Variants in SLC39A12 observed in about 807,000 individuals in gnomAD.
SLC39A12 encodes the protein solute carrier family 39 member 12.
SLC39A12 carries 63 observed loss-of-function variants against 71.1 expected under a neutral mutation model. The ratio of observed to expected loss-of-function variants is 0.89; its 90% CI spans 0.72 to 1.09. SLC39A12 has a LOEUF of 1.09. SLC39A12 is among the 50% of genes least tolerant of loss of function. The pLI is 0.00. For synonymous variants in SLC39A12, 351 were observed against 301.3 expected, an observed-to-expected ratio of 1.16 and a Z score of -1.71; for missense variants, 892 against 812.6, an observed-to-expected ratio of 1.10 and a Z score of -1.19.
At chr10:17,976,677 G>C (rs760350023) in intron 4 of SLC39A12, among the ~76,000 whole-genome samples, 4 of 152,044 alleles carry the variant, frequency 2.6e-5, no homozygotes, top group Non-Finnish European at 5.9e-5. Flanking sequence ...CACCCGCCTT[G>C]GCCTCCCAAA....
intron 4 of SLC39A12, among the ~76,000 whole-genome samples, chr10:17,971,701 T>A (rs576772262): frequency 6.6e-6 from 1 of 152,246 alleles, no homozygotes; most frequent in Admixed American, 6.5e-5. Flanking sequence ...TCATTTCTGA[T>A]TTTATTTATT....
At chr10:17,970,359 C>G (rs1462527074) in intron 4 of SLC39A12, among the ~76,000 whole-genome samples, 3 of 152,030 alleles carry the variant, frequency 2.0e-5, no homozygotes. Context: ...TGCAATGAAT[C>G]AGTAGATTAC....
At chr10:17,964,646 C>G (rs1834775513) in intron 3 of SLC39A12, among the ~76,000 whole-genome samples, 1 of 152,082 alleles carries the variant, frequency 6.6e-6, no homozygotes, top group African/African-American at 2.4e-5. Context: ...GTCCTGTGTC[C>G]TCTGGGAGTT....
chr10:18,037,174 G>A (rs1837076367), intron 12 of SLC39A12, among the ~76,000 whole-genome samples: 1 of 151,888 alleles, frequency 6.6e-6, no homozygotes, highest in Non-Finnish European at 1.5e-5. Flanking sequence ...GGTATCTTTT[G>A]CCTGATTTTC....
chr10:17,965,314 A>C (rs918460570), intron 3 of SLC39A12, among the ~76,000 whole-genome samples, 169 bp from the exon 4 acceptor site: 1 of 152,240 alleles, frequency 6.6e-6, no homozygotes, highest in East Asian at 1.9e-4. Flanking sequence ...TAATTTTCAA[A>C]TAGAGTTGTA....
chr10:18,041,367 A>T (rs892612835), intron 12 of SLC39A12, among the ~76,000 whole-genome samples: 3 of 151,758 alleles, frequency 2.0e-5, no homozygotes, highest in Admixed American at 6.6e-5. Flanking sequence ...GTGGCAGCAC[A>T]TGCCTGTAGT....
At chr10:18,042,450 C>T (rs1034963708) in intron 12 of SLC39A12, among the ~76,000 whole-genome samples, 1 of 142,550 alleles carries the variant, frequency 7.0e-6, no homozygotes, top group Non-Finnish European at 1.5e-5. Flanking sequence ...AGGGCAAAGA[C>T]CCTGCCTCAA....
At chr10:18,036,790 A>ATG (rs1464293480) in intron 12 of SLC39A12, among the ~76,000 whole-genome samples, 1 of 69,248 alleles carries the variant, frequency 1.4e-5, no homozygotes, top group East Asian at 4.2e-4. Flanking sequence ...ATATATATAT[A>ATG]TATATTTTTT....
At chr10:18,014,198 T>C (rs552812133) in intron 12 of SLC39A12, among the ~76,000 whole-genome samples, 34 of 152,300 alleles carry the variant, frequency 2.2e-4, no homozygotes, top group African/African-American at 7.9e-4. Flanking sequence ...TTTCTAGGTA[T>C]TTTCTTCTTT....
intron 12 of SLC39A12, among the ~76,000 whole-genome samples, chr10:18,032,172 C>G (rs1416811073): frequency 1.6e-5 from 2 of 126,656 alleles, no homozygotes; most frequent in Non-Finnish European, 3.2e-5. Flanking sequence ...GTAGTTTTTT[C>G]CAATTCTGTG....
At chr10:18,035,491 A>G (rs1836977128) in intron 12 of SLC39A12, among the ~76,000 whole-genome samples, 1 of 146,308 alleles carries the variant, frequency 6.8e-6, no homozygotes, top group East Asian at 2.0e-4. Context: ...CTTGGTTTTC[A>G]GCTCCATCAG....
chr10:17,971,735 A>T (rs1834980428), intron 4 of SLC39A12, among the ~76,000 whole-genome samples: 5 of 151,140 alleles, frequency 3.3e-5, no homozygotes, highest in Admixed American at 1.3e-4. Context: ...TTTTTTTCTT[A>T]GTCTGCTTAA....
At chr10:18,001,073 A>G (rs961466170) in intron 11 of SLC39A12, among the ~76,000 whole-genome samples, 1 of 152,204 alleles carries the variant, frequency 6.6e-6, no homozygotes, top group Non-Finnish European at 1.5e-5. Flanking sequence ...ATTCCAGAGA[A>G]TTCCATATGG....
At chr10:18,035,751 G>C (rs1836987560) in intron 12 of SLC39A12, among the ~76,000 whole-genome samples, 1 of 152,174 alleles carries the variant, frequency 6.6e-6, no homozygotes, top group African/African-American at 2.4e-5. Context: ...CAGTTTTTCT[G>C]TTCTGTTTTT....
In SLC39A12 at chr10:17,961,653, C is replaced by T. The variant is rs1345657795; in HGVS notation, c.334C>T (p.Gln112Ter). 6.2e-7 allele frequency: 1 copy of T among 1,613,776 alleles called. No homozygotes were observed. Among genetic ancestry groups the T allele is most frequent in the Non-Finnish European group, 8.5e-7 (1 of 1,179,842 alleles). ...AGATCAGCTTAGAGAAGAAGTGGTCCAGAGAGTTTCTCTTCTCCTTCTCTA... is the reference window on the plus strand; with the variant it reads ...AGATCAGCTTAGAGAAGAAGTGGTCTAGAGAGTTTCTCTTCTCCTTCTCTA... ...FEDQLREEVV[Q>*]RVSLLLLYYI... Residue 112 changes from glutamine to a stop codon, truncating the protein, a stop_gained, in exon 3 of 13, where the codon CAG (glutamine) becomes TAG (stop). Transcript: ENST00000377369. LOFTEE classifies it high-confidence loss of function.
At chr10:18,025,421 C>T (rs1836649712) in intron 12 of SLC39A12, among the ~76,000 whole-genome samples, 1 of 151,886 alleles carries the variant, frequency 6.6e-6, no homozygotes, top group Admixed American at 6.6e-5. Flanking sequence ...GTGTGATGTT[C>T]CCCTTCCTGT....
intron 12 of SLC39A12, among the ~76,000 whole-genome samples, chr10:18,028,363 T>A (rs1267251029): frequency 6.6e-6 from 1 of 152,244 alleles, no homozygotes; most frequent in Non-Finnish European, 1.5e-5. Context: ...TTATGAATCA[T>A]GAATAAAGGT....
chr10:17,989,308 G>A (rs1256767411), intron 7 of SLC39A12, among the ~76,000 whole-genome samples: 1 of 152,202 alleles, frequency 6.6e-6, no homozygotes, highest in Non-Finnish European at 1.5e-5. Flanking sequence ...ATCACAAAGG[G>A]AGCATTGGAA....
In SLC39A12 at chr10:18,006,653, T is replaced by A. The variant is rs538829926; in HGVS notation, c.1947+3295T>A. Reference sequence around the variant, plus strand: ...AACACCATCACACAGGACCTTCTGATGAGGCTCAAGAAATATGCCTCAGAA... The same window carrying A: ...AACACCATCACACAGGACCTTCTGAAGAGGCTCAAGAAATATGCCTCAGAA... On this transcript the variant is annotated intron_variant, in intron 12 of 12. Coordinates refer to ENST00000377369, the MANE Select transcript of SLC39A12 (RefSeq NM_001145195.2). Among the ~76,000 whole-genome samples, 4 of 152,304 alleles carry A rather than the reference T, an allele frequency of 2.6e-5. No homozygotes were observed. In the South Asian group the frequency reaches 8.3e-4, roughly 32 times the overall value.
Sources: gnomAD v4.1 joint callset for allele counts (sites outside exome capture counted in the v4.1 genomes callset) on GRCh38, gnomAD v4.1.1 for gene constraint, MANE v1.5 for transcripts, NCBI Gene and HGNC (gene_info 2026-07-23, HGNC 2026-07-21) for gene names.